Variants in FBXL4 observed in about 807,000 individuals in gnomAD.
FBXL4 encodes the protein F-box/LRR-repeat protein 4.
Under a neutral mutation model 58.9 loss-of-function variants are expected in FBXL4, and 40 were observed. The ratio of observed to expected loss-of-function variants is 0.68; its 90% confidence interval spans 0.53 to 0.88. FBXL4 has a LOEUF of 0.88. Ranked by LOEUF, FBXL4 falls within the 40% of genes least tolerant of loss-of-function variation. The pLI, the probability that FBXL4 is intolerant of heterozygous loss-of-function variation, is 0.00. For missense variants in FBXL4, 676 were observed against 734.4 expected (o/e 0.92, Z 0.92); for synonymous variants, 263 against 265.5 (o/e 0.99, Z 0.09).
chr6:98,912,781 T>A (rs1389189933), intron 5 of FBXL4, among the ~76,000 whole-genome samples: 2 of 151,336 alleles, frequency 1.3e-5, no homozygotes, highest in Non-Finnish European at 2.9e-5. Flanking sequence ...ACGAGCAACA[T>A]AACCAGCTAA....
chr6:98,921,988 G>A (rs142444024), intron 4 of FBXL4, among the ~76,000 whole-genome samples: 389 of 152,154 alleles, frequency 2.6e-3, no homozygotes, highest in Non-Finnish European at 4.5e-3. Flanking sequence ...ACAGGACTAG[G>A]GCACTCTATA....
chr6:98,912,232 A>G (rs1772116625), intron 5 of FBXL4, among the ~76,000 whole-genome samples: 2 of 152,246 alleles, frequency 1.3e-5, no homozygotes, highest in East Asian at 1.9e-4. Context: ...GGAGAATGGA[A>G]CCAAGTTGGA....
rs533348586 is a variant in FBXL4 at position 98,942,411 on chromosome 6, G to T, written c.-309+5395C>A. 5.3e-5 allele frequency among the ~76,000 whole-genome samples: 8 copies of T among 152,196 alleles called. No homozygotes were observed. In the East Asian group the frequency reaches 1.4e-3, roughly 26 times the overall value. On this transcript the variant is annotated intron_variant, in intron 1 of 9. Transcript: ENST00000369244. ...CAGTGAAATGTAATCCCCAGTGCTG[G>T]AGGTGGGGCCTGGAAGGTGATTGGA...
At chr6:98,883,472 CTGT>C (rs1376519797) in intron 7 of FBXL4, among the ~76,000 whole-genome samples, 5 of 151,668 alleles carry the variant, frequency 3.3e-5, no homozygotes, top group Non-Finnish European at 5.9e-5. Context: ...TGTTTGTATC[CTGT>C]TGTTTTTTCC....
intron 1 of FBXL4, among the ~76,000 whole-genome samples, chr6:98,937,299 CAA>C (rs879607004): frequency 4.2e-5 from 5 of 117,934 alleles, no homozygotes; most frequent in Admixed American, 1.7e-4. Context: ...GACTTCGTCT[CAA>C]AAAAAAAAAA....
chr6:98,903,736 T>G (rs1771699632), intron 6 of FBXL4, among the ~76,000 whole-genome samples: 1 of 152,170 alleles, frequency 6.6e-6, no homozygotes, highest in Non-Finnish European at 1.5e-5. Context: ...TTACTCGTTA[T>G]TATCACAGTC....
intron 7 of FBXL4, chr6:98,897,007 G>A: frequency 1.0e-6 from 1 of 984,698 alleles, no homozygotes; most frequent in Non-Finnish European, 1.2e-6. Context: ...ACATCTCATG[G>A]GATATATTTT....
chr6:98,947,906 G>T lies in FBXL4; in HGVS notation c.-409C>A, dbSNP rs957745469. 2 of 151,680 alleles carry T rather than the reference G, an allele frequency of 1.3e-5. No homozygotes were observed. The highest frequency in any genetic ancestry group is 2.9e-5 in the Non-Finnish European group (2 of 67,866). The allele number at this position is 151,680 out of a possible 1,614,324, so 9.4% of individuals were successfully genotyped here. On this transcript the variant is annotated 5_prime_UTR_variant, in exon 1 of 10. Transcript: ENST00000369244. ...GGCGGCTCCCCGACTCTCTAGATGC[G>T]GCACAACCGCCGCAAGCCCGGCCTA...
At position 98,942,300 on chromosome 6, in the gene FBXL4, C is replaced by T. The variant is rs543405302; in HGVS notation, c.-309+5506G>A. Among the ~76,000 whole-genome samples, 44 of 151,744 alleles carry T rather than the reference C, an allele frequency of 2.9e-4. No individual in the cohort carries two copies. In the South Asian group the frequency reaches 4.0e-3, roughly 14 times the overall value. ...TTAAATCTAAGTGATACGATACTAG[C>T]AAAATTTTAAAAAATGGTTAGAAAA... On this transcript the variant is annotated intron_variant, in intron 1 of 9. Coordinates refer to ENST00000369244, the MANE Select transcript of FBXL4 (RefSeq NM_001278716.2).
At chr6:98,888,630 A>C (rs1253894717) in intron 7 of FBXL4, among the ~76,000 whole-genome samples, 1 of 152,248 alleles carries the variant, frequency 6.6e-6, no homozygotes, top group African/African-American at 2.4e-5. Flanking sequence ...TAGAAGTACA[A>C]GAGTAGTTCT....
chr6:98,917,785 T>A, intron 4 of FBXL4, 66 bp from the exon 5 acceptor site: 1 of 1,153,212 alleles, frequency 8.7e-7, no homozygotes, highest in Non-Finnish European at 1.2e-6. Flanking sequence ...CTTAAGGTTA[T>A]AGACCCATGC....
chr6:98,883,471 C>T (rs1770921548), intron 7 of FBXL4, among the ~76,000 whole-genome samples: 2 of 151,800 alleles, frequency 1.3e-5, no homozygotes, highest in South Asian at 4.2e-4. Context: ...ATGTTTGTAT[C>T]CTGTTGTTTT....
At chr6:98,884,978 CT>C (rs1475747788) in intron 7 of FBXL4, among the ~76,000 whole-genome samples, 1 of 152,184 alleles carries the variant, frequency 6.6e-6, no homozygotes, top group East Asian at 1.9e-4. Flanking sequence ...TAGCGACTCA[CT>C]TTTAACAAAC....
chr6:98,876,444 A>C (rs1239818931), intron 8 of FBXL4, among the ~76,000 whole-genome samples: 3 of 152,218 alleles, frequency 2.0e-5, no homozygotes, highest in Non-Finnish European at 4.4e-5. Flanking sequence ...CAGATATTAA[A>C]ATTATCACAA....
chr6:98,899,541 T>C (rs1771529118), intron 6 of FBXL4, 60 bp from the exon 7 acceptor site: 2 of 1,550,964 alleles, frequency 1.3e-6, no homozygotes, highest in African/African-American at 1.4e-5. Flanking sequence ...TGCAAGAACT[T>C]TGGAATTTTA....
intron 5 of FBXL4, among the ~76,000 whole-genome samples, chr6:98,911,158 G>A (rs989731938): frequency 1.3e-5 from 2 of 152,202 alleles, no homozygotes; most frequent in African/African-American, 2.4e-5. Context: ...GCTCACTTAG[G>A]TAAACAAAGC....
chr6:98,901,025 A>C (rs1298084756), intron 6 of FBXL4, among the ~76,000 whole-genome samples: 1 of 152,162 alleles, frequency 6.6e-6, no homozygotes, highest in Non-Finnish European at 1.5e-5. Context: ...CATCCAGGCA[A>C]TAGTCTAGGC....
At chr6:98,901,927 G>C (rs906979431) in intron 6 of FBXL4, among the ~76,000 whole-genome samples, 1 of 152,094 alleles carries the variant, frequency 6.6e-6, no homozygotes, top group African/African-American at 2.4e-5. Context: ...GGTTTTATGA[G>C]AGGACCTAAG....
At chr6:98,937,268 C>T (rs911639087) in intron 1 of FBXL4, among the ~76,000 whole-genome samples, 8 of 151,836 alleles carry the variant, frequency 5.3e-5, no homozygotes, top group African/African-American at 1.9e-4. Context: ...CGAGATTGTG[C>T]CACTGCACTC....
Sources: allele counts gnomAD v4.1 joint callset (sites outside exome capture counted in the v4.1 genomes callset), GRCh38; gene constraint gnomAD v4.1.1; transcripts MANE v1.5; gene names NCBI Gene and HGNC (gene_info 2026-07-23, HGNC 2026-07-21).